Variants in GRIN3A observed in about 807,000 individuals in gnomAD.
GRIN3A encodes glutamate ionotropic receptor NMDA type subunit 3A, also known as glutamate receptor ionotropic, NMDA 3A.
A neutral mutation model predicts 92.4 loss-of-function variants in GRIN3A; 47 were observed. The ratio of observed to expected loss-of-function variants is 0.51; its 90% CI spans 0.40 to 0.65. The LOEUF is 0.65. Among genes scored for constraint, GRIN3A ranks in the 30% least tolerant of loss-of-function variants. GRIN3A has a pLI of 0.00. For synonymous variants in GRIN3A, 527 were observed against 540.6 expected (o/e 0.97, Z 0.35); for missense variants, 1,324 against 1,393.1 (o/e 0.95, Z 0.79).
At position 101,572,596 on chromosome 9, in the gene GRIN3A, C is replaced by G. The variant is rs1440793521; in HGVS notation, c.*578G>C. 6.3e-6 allele frequency: 1 copy of G among 158,894 alleles called. No homozygotes were observed. The highest frequency in any genetic ancestry group is 1.8e-4 in the East Asian group (1 of 5,500). 9.8% of individuals were successfully genotyped at this position (158,894 alleles called of 1,614,324 possible). The stretch of plus-strand genomic sequence containing the variant: ...ATCCAGAACCTTCTCAAAAACATGG[C>G]TCTTGCCTGGTCCAATCAATCCTTG... On this transcript the variant is annotated 3_prime_UTR_variant, in exon 9 of 9. Coordinates refer to ENST00000361820, the MANE Select transcript of GRIN3A (RefSeq NM_133445.3).
chr9:101,686,964 C>A lies in GRIN3A; in HGVS notation c.936G>T (p.Gln312His). ...PSTQDLLSFL[Q>H]IQLESIKNST... is the part of the protein sequence containing the mutation. ...TGTTCTTAATACTCTCAAGCTGGAT[C>A]TGTAGGAAGCTCAAGAGGTCCTGGG... Residue 312 changes from glutamine to histidine, a missense_variant, in exon 2 of 9, where the codon CAG (glutamine) becomes CAT (histidine). By Grantham distance (24) the Gln-to-His change is conservative. Coordinates refer to ENST00000361820, the MANE Select transcript of GRIN3A (RefSeq NM_133445.3). 6.2e-7 allele frequency: 1 copy of A among 1,614,170 alleles called. No homozygotes were observed. Among genetic ancestry groups the A allele is most frequent in the Non-Finnish European group, 8.5e-7 (1 of 1,180,026 alleles).
At chr9:101,676,416 G>T (rs1454648922) in intron 2 of GRIN3A, among the ~76,000 whole-genome samples, 3 of 151,526 alleles carry the variant, frequency 2.0e-5, no homozygotes, top group African/African-American at 7.3e-5. Flanking sequence ...AACTGTCTTT[G>T]TATCATTAAA....
chr9:101,700,604 T>C (rs1324539329), intron 1 of GRIN3A, among the ~76,000 whole-genome samples: 1 of 152,222 alleles, frequency 6.6e-6, no homozygotes, highest in Non-Finnish European at 1.5e-5. Flanking sequence ...CTTTATAAAT[T>C]ATTCATAATA....
In GRIN3A at chr9:101,573,253, C is replaced by T. The variant is rs140955159; in HGVS notation, c.3269G>A (p.Arg1090His). The change falls in exon 9 of 9, where the codon CGT becomes CAT. Residue 1090 changes from arginine (R) to histidine (H), a missense_variant. Arg to His is a conservative substitution (Grantham distance 29). Coordinates refer to ENST00000361820, the MANE Select transcript of GRIN3A (RefSeq NM_133445.3). ...GCTCACAGCCAGCTGCAGCTCCTGA[C>T]GGATCACCTGAATCTGCTTCTCGAG... ...SELEKQIQVI[R>H]QELQLAVSRK... 881 of 1,614,086 alleles carry T rather than the reference C, an allele frequency of 5.5e-4. No individual in the cohort carries two copies. Among genetic ancestry groups the T allele is most frequent in the African/African-American group, 1.4e-3 (106 of 75,032 alleles).
intron 2 of GRIN3A, among the ~76,000 whole-genome samples, chr9:101,674,178 T>C (rs908264500): frequency 6.6e-6 from 1 of 152,008 alleles, no homozygotes; most frequent in African/African-American, 2.4e-5. Context: ...ACATCAGATC[T>C]GAGGCTACAG....
At chr9:101,719,296 G>A (rs1662998874) in intron 1 of GRIN3A, among the ~76,000 whole-genome samples, 1 of 151,970 alleles carries the variant, frequency 6.6e-6, no homozygotes, top group African/African-American at 2.4e-5. Context: ...GCATGCGCCT[G>A]TAATTCCAGC....
chr9:101,727,310 A>G (rs1466968898), intron 1 of GRIN3A, among the ~76,000 whole-genome samples: 2 of 152,206 alleles, frequency 1.3e-5, no homozygotes, highest in African/African-American at 2.4e-5. Flanking sequence ...GATGGCCCCA[A>G]TTTTATAACA....
In GRIN3A at chr9:101,737,995, G is replaced by T; in HGVS notation, c.-16C>A. ...GTCTCCTCATTACTGAGACCCGCAG[G>T]GAGAAAGCGCGCCCCCTCCTGCGCC... On this transcript the variant is annotated 5_prime_UTR_variant, in exon 1 of 9. Transcript: ENST00000361820. The T allele has an allele frequency of 6.5e-7, 1 of 1,531,310 alleles. No homozygotes were observed. The highest frequency in any genetic ancestry group is 8.7e-7 in the Non-Finnish European group (1 of 1,144,580). 94.9% of individuals were successfully genotyped at this position (1,531,310 alleles called of 1,614,324 possible). A position where few individuals can be genotyped will look rare whatever the true frequency, so the allele number is the denominator to read the frequency against.
intron 3 of GRIN3A, among the ~76,000 whole-genome samples, chr9:101,655,675 C>A (rs555261988): frequency 6.6e-6 from 1 of 152,074 alleles, no homozygotes; most frequent in Non-Finnish European, 1.5e-5. Context: ...CTCTGAGCCT[C>A]AGTCTCCTCC....
At chr9:101,619,227 A>G (rs1265953899) in intron 5 of GRIN3A, among the ~76,000 whole-genome samples, 2 of 152,146 alleles carry the variant, frequency 1.3e-5, no homozygotes, top group African/African-American at 4.8e-5. Flanking sequence ...GATTTATTCA[A>G]TTTTGCAGTC....
At chr9:101,695,887 C>T (rs528466144) in intron 1 of GRIN3A, among the ~76,000 whole-genome samples, 18 of 152,108 alleles carry the variant, frequency 1.2e-4, no homozygotes, top group Non-Finnish European at 2.2e-4. Flanking sequence ...CTGGAGCTCT[C>T]GAGCCTCTTT....
At chr9:101,722,295 A>T (rs1358494764) in intron 1 of GRIN3A, among the ~76,000 whole-genome samples, 1 of 152,172 alleles carries the variant, frequency 6.6e-6, no homozygotes, top group African/African-American at 2.4e-5. Context: ...ATTTCAGAAG[A>T]TGTATAGTAA....
rs1192911499 is a variant in GRIN3A at position 101,573,521 on chromosome 9, A to G, written c.3009-8T>C. ...CGGGGTCCCACATTAGACCTAGGAA[A>G]CAGAGAAATTTTAGATTTACTTTCC... is the stretch of plus-strand genomic sequence containing the variant. On this transcript the variant is annotated splice_region_variant and splice_polypyrimidine_tract_variant and intron_variant, in intron 8 of 8. Coordinates refer to ENST00000361820, the MANE Select transcript of GRIN3A (RefSeq NM_133445.3). 1 of 1,608,622 alleles carries G rather than the reference A, an allele frequency of 6.2e-7. No individual in the cohort carries two copies. Among genetic ancestry groups the G allele is most frequent in the East Asian group, 2.2e-5 (1 of 44,862 alleles).
chr9:101,637,349 T>A (rs1168283787), intron 3 of GRIN3A, among the ~76,000 whole-genome samples: 5 of 152,164 alleles, frequency 3.3e-5, no homozygotes, highest in Non-Finnish European at 7.4e-5. Context: ...CGCCTCGGCT[T>A]CCCAAAGCAC....
At chr9:101,712,706 T>C (rs1452395233) in intron 1 of GRIN3A, among the ~76,000 whole-genome samples, 1 of 152,184 alleles carries the variant, frequency 6.6e-6, no homozygotes, top group South Asian at 2.1e-4. Flanking sequence ...ATCAGCTTAT[T>C]GCTAGAACAG....
intron 1 of GRIN3A, among the ~76,000 whole-genome samples, chr9:101,712,019 T>C (rs1040104781): frequency 2.6e-5 from 4 of 152,182 alleles, no homozygotes; most frequent in Non-Finnish European, 5.9e-5. Context: ...CTCAGATGCC[T>C]GAATTTCAGC....
At chr9:101,640,854 T>C (rs1334834685) in intron 3 of GRIN3A, among the ~76,000 whole-genome samples, 1 of 152,144 alleles carries the variant, frequency 6.6e-6, no homozygotes, top group Non-Finnish European at 1.5e-5. Context: ...GTGTGAGGCC[T>C]TTCCAGCCAT....
intron 1 of GRIN3A, among the ~76,000 whole-genome samples, chr9:101,733,811 T>C (rs987281810): frequency 1.3e-5 from 2 of 152,142 alleles, no homozygotes; most frequent in African/African-American, 2.4e-5. Context: ...AAAGTTGTGG[T>C]TGGTGTATTC....
At chr9:101,613,638 G>T in intron 5 of GRIN3A, 111 bp from the exon 6 acceptor site, 1 of 975,130 alleles carries the variant, frequency 1.0e-6, no homozygotes, top group Non-Finnish European at 1.6e-6. Context: ...GGCGTGATGA[G>T]TTTTCATCAA....
Sources: gnomAD v4.1 joint callset for allele counts (sites outside exome capture counted in the v4.1 genomes callset) on GRCh38, gnomAD v4.1.1 for gene constraint, MANE v1.5 for transcripts, NCBI Gene and HGNC (gene_info 2026-07-23, HGNC 2026-07-21) for gene names.